LGALS3: variants seen among roughly 807,000 people sequenced by gnomAD.
LGALS3 encodes the protein galectin 3, also known as galectin-3.
A neutral mutation model predicts 20.7 loss-of-function variants in LGALS3; 18 were observed. The observed-to-expected ratio is 0.87, with a 90% CI of 0.60 to 1.29. LGALS3 has a LOEUF of 1.29. LGALS3 is among the 50% of genes most tolerant of loss of function. The pLI, the probability that LGALS3 is intolerant of heterozygous loss-of-function variation, is 0.00. For synonymous variants in LGALS3, 112 were observed against 119.6 expected, an observed-to-expected ratio of 0.94 and a Z score of 0.42; for missense variants, 315 against 314.7, an observed-to-expected ratio of 1.00 and a Z score of -0.01.
chr14:55,134,600 A>G (rs1020433059), intron 1 of LGALS3, among the ~76,000 whole-genome samples: 5 of 152,198 alleles, frequency 3.3e-5, no homozygotes, highest in African/African-American at 1.2e-4. Context: ...TCTTCTCTCA[A>G]GGTCCCCCTG....
chr14:55,142,655 G>C lies in LGALS3; in HGVS notation c.503G>C (p.Arg168Thr). Residue 168 changes from arginine to threonine, a missense_variant, in exon 5 of 6, where the codon AGG becomes ACG. Coordinates refer to ENST00000254301, the MANE Select transcript of LGALS3 (RefSeq NM_002306.4). Reference sequence around the variant, plus strand: ...AACCCACGCTTCAATGAGAACAACAGGAGAGTCATTGTTTGCAATACAAAG... The same window carrying C: ...AACCCACGCTTCAATGAGAACAACACGAGAGTCATTGTTTGCAATACAAAG... ...HFNPRFNENN[R>T]RVIVCNTKLD... 6.2e-7 allele frequency: 1 copy of C among 1,612,894 alleles called. No individual in the cohort carries two copies. Among genetic ancestry groups the C allele is most frequent in the Non-Finnish European group, 8.5e-7 (1 of 1,178,852 alleles).
chr14:55,142,768 T>C lies in LGALS3; in HGVS notation c.597+19T>C. On this transcript the variant is annotated intron_variant, in intron 5 of 5. Transcript: ENST00000254301. ...ATTCAAAGTAAGTTATTGCTACTATTATATATTGATAATGTATATTTCTCA... is the reference window on the plus strand; with the variant it reads ...ATTCAAAGTAAGTTATTGCTACTATCATATATTGATAATGTATATTTCTCA... 1 of 1,572,372 alleles carries C rather than the reference T, an allele frequency of 6.4e-7. No individual in the cohort carries two copies. The highest frequency in any genetic ancestry group is 8.7e-7 in the Non-Finnish European group (1 of 1,143,208).
At chr14:55,143,190 C>G (rs1251434223) in intron 5 of LGALS3, among the ~76,000 whole-genome samples, 1 of 152,064 alleles carries the variant, frequency 6.6e-6, no homozygotes, top group Non-Finnish European at 1.5e-5. Context: ...TACTCCTTCC[C>G]CCATCCTCAC....
At chr14:55,140,445 C>A in intron 4 of LGALS3, 82 bp downstream of exon 4, 2 of 835,278 alleles carry the variant, frequency 2.4e-6, no homozygotes, top group Non-Finnish European at 3.9e-6. Flanking sequence ...TTTCTTCTTG[C>A]CCTGTCTTAC....
chr14:55,135,596 G>A (rs1481504020), intron 1 of LGALS3, among the ~76,000 whole-genome samples: 1 of 130,682 alleles, frequency 7.7e-6, no homozygotes, highest in East Asian at 2.3e-4. Flanking sequence ...AGATGAGGTC[G>A]CTCTGTCACC....
Position 55,138,146 on chromosome 14 carries a change from C to T in LGALS3, c.120C>T (p.Ser40=). 6.3e-7 allele frequency: 1 copy of T among 1,586,866 alleles called. No individual in the cohort carries two copies. The highest frequency in any genetic ancestry group is 1.1e-5 in the South Asian group (1 of 86,978). The change falls in exon 3 of 6, where the codon TCC becomes TCT. Residue 40 remains serine, a synonymous_variant. Coordinates refer to ENST00000254301, the MANE Select transcript of LGALS3 (RefSeq NM_002306.4). The part of the protein sequence containing the change: ...PAGAGGYPGA[S]YPGAYPGQAP... ...GGGCAGGGGGCTACCCAGGGGCTTC[C>T]TATCCTGGGGCCTACCCCGGGCAGG...
chr14:55,143,271 G>T (rs1201289276), intron 5 of LGALS3, among the ~76,000 whole-genome samples: 3 of 152,146 alleles, frequency 2.0e-5, no homozygotes, highest in African/African-American at 7.2e-5. Flanking sequence ...TGTAAGCACT[G>T]CTTCAACAAA....
Position 55,145,101 on chromosome 14 carries a change from T to C in LGALS3, c.598-15T>C. On this transcript the variant is annotated splice_polypyrimidine_tract_variant and intron_variant, in intron 5 of 5. Transcript: ENST00000254301. ...GCATTACCTCATGTAACAGTTTATG[T>C]ATATGCCATTTCAGATACAAGTACT... 5 of 1,608,294 alleles carry C rather than the reference T, an allele frequency of 3.1e-6. No individual in the cohort carries two copies. Among genetic ancestry groups the C allele is most frequent in the Non-Finnish European group, 4.3e-6 (5 of 1,175,100 alleles).
At chr14:55,138,477 G>A in intron 3 of LGALS3, 109 bp downstream of exon 3, 2 of 1,164,706 alleles carry the variant, frequency 1.7e-6, no homozygotes, top group East Asian at 2.3e-5. Flanking sequence ...AGCCATGGGT[G>A]TATGTTGGTA....
chr14:55,139,002 T>A (rs995445212), intron 3 of LGALS3, among the ~76,000 whole-genome samples: 3 of 152,050 alleles, frequency 2.0e-5, no homozygotes, highest in African/African-American at 7.3e-5. Context: ...ATATAATAAA[T>A]ATGAGGAAAG....
rs368517263 is a variant in LGALS3 at position 55,142,566 on chromosome 14, G to T, written c.432-18G>T. ...ACAGCTTTAATCATTTTAATAACTG[G>T]TCTTTGGTTTAAAACAGAATTGCTT... is the stretch of plus-strand genomic sequence containing the variant. On this transcript the variant is annotated intron_variant, in intron 4 of 5. Transcript: ENST00000254301. 1 of 1,601,180 alleles carries T rather than the reference G, an allele frequency of 6.2e-7. No homozygotes were observed. The highest frequency in any genetic ancestry group is 1.7e-5 in the Admixed American group (1 of 59,864).
At chr14:55,130,733 A>G (rs1463832428) in intron 1 of LGALS3, among the ~76,000 whole-genome samples, 1 of 47,860 alleles carries the variant, frequency 2.1e-5, no homozygotes, top group Non-Finnish European at 4.5e-5. Context: ...CTAATTTTGT[A>G]TTTTTCGTGG....
rs199980622 is a variant in LGALS3 at position 55,138,138 on chromosome 14, G to C, written c.112G>C (p.Gly38Arg). 8 of 1,582,010 alleles carry C rather than the reference G, an allele frequency of 5.1e-6. No individual in the cohort carries two copies. In the East Asian group the frequency reaches 1.8e-4, roughly 35 times the overall value. ...NQPAGAGGYP[G>R]ASYPGAYPGQ... ...GCCTGCTGGGGCAGGGGGCTACCCAGGGGCTTCCTATCCTGGGGCCTACCC... is the reference window on the plus strand; with the variant it reads ...GCCTGCTGGGGCAGGGGGCTACCCACGGGCTTCCTATCCTGGGGCCTACCC... Residue 38 changes from glycine (G) to arginine (R), a missense_variant, in exon 3 of 6, where the codon GGG becomes CGG. Transcript: ENST00000254301.
chr14:55,134,083 T>C (rs775610473), intron 1 of LGALS3, among the ~76,000 whole-genome samples: 2 of 152,332 alleles, frequency 1.3e-5, no homozygotes, highest in Non-Finnish European at 2.9e-5. Flanking sequence ...TTTCCTTTTT[T>C]TGGTAGAGAC....
At chr14:55,136,768 A>AT in intron 1 of LGALS3, among the ~76,000 whole-genome samples, 2 of 152,164 alleles carry the variant, frequency 1.3e-5, no homozygotes, top group East Asian at 3.9e-4. Flanking sequence ...CATTATAACT[A>AT]TTTTTGTCAC....
At chr14:55,142,798 G>A in intron 5 of LGALS3, 49 bp downstream of exon 5, 1 of 1,477,542 alleles carries the variant, frequency 6.8e-7, no homozygotes, top group Non-Finnish European at 9.4e-7. Flanking sequence ...TTCTCATGAG[G>A]AATCACTCTA....
At position 55,138,321 on chromosome 14, in the gene LGALS3, G is replaced by A. The variant is rs752446020; in HGVS notation, c.295G>A (p.Gly99Arg). 81 of 1,612,458 alleles carry A rather than the reference G, an allele frequency of 5.0e-5. No individual in the cohort carries two copies. Among genetic ancestry groups the A allele is most frequent in the Non-Finnish European group, 6.2e-5 (73 of 1,179,846 alleles). Residue 99 changes from glycine to arginine, a missense_variant, in exon 3 of 6, where the codon GGA (glycine) becomes AGA (arginine). Physicochemically the swap from Gly to Arg is moderately radical, Grantham distance 125. Coordinates refer to ENST00000254301, the MANE Select transcript of LGALS3 (RefSeq NM_002306.4). ...YPSSGQPSAT[G>R]AYPATGPYGA... is the part of the protein sequence containing the mutation. ...ATCTTCTGGACAGCCAAGTGCCACC[G>A]GAGCCTACCCTGCCACTGGCCCCTA...
chr14:55,144,811 GC>G (rs1160465518), intron 5 of LGALS3, among the ~76,000 whole-genome samples: 1 of 151,980 alleles, frequency 6.6e-6, no homozygotes, highest in Non-Finnish European at 1.5e-5. Context: ...TGATCCACCC[GC>G]CTCAGCCTCC....
chr14:55,144,969 GA>G, intron 5 of LGALS3, 146 bp from the exon 6 acceptor site: 1 of 650,494 alleles, frequency 1.5e-6, no homozygotes, highest in Non-Finnish European at 2.7e-6. Flanking sequence ...AGACTGGTTT[GA>G]AATTAATGGA....
Sources: gnomAD v4.1 joint callset for allele counts (sites outside exome capture counted in the v4.1 genomes callset) on GRCh38, gnomAD v4.1.1 for gene constraint, MANE v1.5 for transcripts, NCBI Gene and HGNC (gene_info 2026-07-23, HGNC 2026-07-21) for gene names.